STK33: variants seen among roughly 807,000 people sequenced by gnomAD.
STK33 encodes serine/threonine-protein kinase 33.
In STK33, 52 loss-of-function variants were observed where a neutral mutation model predicts 58.0. The ratio of observed to expected loss-of-function variants is 0.90; its 90% CI spans 0.72 to 1.13. STK33 has a LOEUF of 1.13. STK33 is among the 50% of genes most tolerant of loss of function. STK33 has a pLI of 0.00. For synonymous variants in STK33, 215 were observed against 200.1 expected, an observed-to-expected ratio of 1.07 and a Z score of -0.63; for missense variants, 630 against 604.2, an observed-to-expected ratio of 1.04 and a Z score of -0.45.
chr11:8,352,692 A>G, the STK33 span, among the ~76,000 whole-genome samples: 1 of 152,192 alleles, frequency 6.6e-6, no homozygotes, highest in Non-Finnish European at 1.5e-5. Context: ...GAATGACTCC[A>G]TTTTGCCACA....
intron 15 of STK33, among the ~76,000 whole-genome samples, chr11:8,402,596 C>G (rs1938282760): frequency 6.6e-6 from 1 of 150,692 alleles, no homozygotes. Flanking sequence ...GCACATGTAC[C>G]CTAAAACTTA....
chr11:8,413,097 T>G (rs1940550002), intron 15 of STK33, among the ~76,000 whole-genome samples: 1 of 152,208 alleles, frequency 6.6e-6, no homozygotes, highest in Non-Finnish European at 1.5e-5. Context: ...TGGGCCAAAT[T>G]TGGCATGCCA....
intron 11 of STK33, among the ~76,000 whole-genome samples, chr11:8,451,241 C>T (rs1946238679): frequency 6.6e-6 from 1 of 152,138 alleles, no homozygotes; most frequent in Non-Finnish European, 1.5e-5. Flanking sequence ...TCTAAAAATA[C>T]TTCTAAATGA....
At chr11:8,336,436 G>T in the STK33 span, among the ~76,000 whole-genome samples, 8 of 152,250 alleles carry the variant, frequency 5.3e-5, no homozygotes, top group African/African-American at 1.9e-4. Context: ...AGATGGAAAA[G>T]CTGATACTTG....
At chr11:8,373,424 G>A in the STK33 span, among the ~76,000 whole-genome samples, 1 of 152,232 alleles carries the variant, frequency 6.6e-6, no homozygotes, top group Non-Finnish European at 1.5e-5. Context: ...CCCCTACCAG[G>A]AGCCCTGGGT....
At chr11:8,584,925 ATTTTT>A (rs11331618) in intron 1 of STK33, among the ~76,000 whole-genome samples, 1 of 139,760 alleles carries the variant, frequency 7.2e-6, no homozygotes, top group African/African-American at 2.7e-5. Flanking sequence ...AAAGAAAATG[ATTTTT>A]TTTTTTTTTT....
At chr11:8,523,869 G>A (rs749791744) in intron 1 of STK33, among the ~76,000 whole-genome samples, 17 of 152,174 alleles carry the variant, frequency 1.1e-4, no homozygotes, top group South Asian at 8.3e-4. Context: ...CGGTTTTGTC[G>A]AATAGAAAAG....
chr11:8,549,302 T>A (rs1352615273), intron 1 of STK33, among the ~76,000 whole-genome samples: 3 of 152,232 alleles, frequency 2.0e-5, no homozygotes, highest in Non-Finnish European at 4.4e-5. Flanking sequence ...TGAACCATCC[T>A]TGCATCCCTG....
intron 1 of STK33, among the ~76,000 whole-genome samples, chr11:8,509,689 T>C (rs1300466015): frequency 1.3e-5 from 2 of 152,052 alleles, no homozygotes; most frequent in African/African-American, 4.8e-5. Flanking sequence ...GTCCCCAAAG[T>C]CCTTTATATC....
At chr11:8,412,815 C>G (rs1379520559) in intron 15 of STK33, among the ~76,000 whole-genome samples, 1 of 152,084 alleles carries the variant, frequency 6.6e-6, no homozygotes, top group East Asian at 1.9e-4. Flanking sequence ...AACAAGGAAG[C>G]AGGGAAGAGG....
the STK33 span, among the ~76,000 whole-genome samples, chr11:8,369,333 A>G: frequency 4.4e-3 from 356 of 80,904 alleles, 3 homozygotes; most frequent in African/African-American, 0.011. Context: ...GTGTGTGTGT[A>G]TAATCAGAAA....
At chr11:8,334,982 G>A in the STK33 span, among the ~76,000 whole-genome samples, 1 of 152,196 alleles carries the variant, frequency 6.6e-6, no homozygotes, top group Non-Finnish European at 1.5e-5. Context: ...CTGGGCCATC[G>A]CAGTACACAG....
At position 8,516,594 on chromosome 11, in the gene STK33, G is replaced by A. The variant is rs370018940; in HGVS notation, c.-465-35980C>T. On this transcript the variant is annotated intron_variant, in intron 1 of 15. Coordinates refer to ENST00000687296, the MANE Select transcript of STK33 (RefSeq NM_001352389.2). ...TTCCCTTTCCTGGCAAAGGGAAGCC[G>A]TGATAGATGGTACCTGGAAAATCGG... Among the ~76,000 whole-genome samples the A allele has an allele frequency of 7.2e-5, 11 of 152,334 alleles. No homozygotes were observed. In the South Asian group the frequency reaches 8.3e-4, roughly 11 times the overall value.
At chr11:8,454,633 AT>A in intron 10 of STK33, 110 bp downstream of exon 10, 1 of 1,307,680 alleles carries the variant, frequency 7.6e-7, no homozygotes, top group South Asian at 1.5e-5. Context: ...CAAGCCACTT[AT>A]TTTCTGGCTG....
At chr11:8,382,292 G>T in the STK33 span, among the ~76,000 whole-genome samples, 3 of 152,200 alleles carry the variant, frequency 2.0e-5, no homozygotes, top group African/African-American at 7.2e-5. Context: ...CACAGCCCCT[G>T]GCTGACCAGA....
chr11:8,436,771 C>T (rs1564958567), intron 12 of STK33, among the ~76,000 whole-genome samples: 1 of 152,206 alleles, frequency 6.6e-6, no homozygotes, highest in South Asian at 2.1e-4. Flanking sequence ...AATCTCGGCT[C>T]ACTGCAACCT....
intron 1 of STK33, among the ~76,000 whole-genome samples, chr11:8,546,734 T>G (rs1045820842): frequency 6.6e-6 from 1 of 152,156 alleles, no homozygotes; most frequent in Non-Finnish European, 1.5e-5. Flanking sequence ...GACCTCCAGT[T>G]CCACCCAAGT....
intron 1 of STK33, among the ~76,000 whole-genome samples, chr11:8,494,731 T>C (rs1002864415): frequency 1.4e-4 from 21 of 152,218 alleles, no homozygotes; most frequent in African/African-American, 4.8e-4. Context: ...AGCCTGGTAC[T>C]GGTACCAAAA....
At chr11:8,512,196 C>G (rs1952385885) in intron 1 of STK33, among the ~76,000 whole-genome samples, 1 of 152,108 alleles carries the variant, frequency 6.6e-6, no homozygotes, top group South Asian at 2.1e-4. Flanking sequence ...GTTTTCCTTG[C>G]TACTTATGCT....
Sources: allele counts gnomAD v4.1 joint callset (sites outside exome capture counted in the v4.1 genomes callset), GRCh38; gene constraint gnomAD v4.1.1; transcripts MANE v1.5; gene names NCBI Gene and HGNC (gene_info 2026-07-23, HGNC 2026-07-21).